Variants in KCNB2 observed in about 807,000 individuals in gnomAD.
The protein encoded by KCNB2 is potassium voltage-gated channel subfamily B member 2, also known as delayed rectifier potassium channel protein.
Under a neutral mutation model 61.5 loss-of-function variants are expected in KCNB2, and 15 were observed. The ratio of observed to expected loss-of-function variants is 0.24; its 90% CI spans 0.16 to 0.38. The LOEUF (loss-of-function observed/expected upper bound fraction) is 0.38. Ranked by LOEUF, KCNB2 falls within the 10% of genes least tolerant of loss-of-function variation. The pLI is 1.00. For missense variants in KCNB2, 828 were observed against 1,125.2 expected, an observed-to-expected ratio of 0.74 and a Z score of 3.78; for synonymous variants, 457 against 446.0, an observed-to-expected ratio of 1.02 and a Z score of -0.31.
intron 2 of KCNB2, among the ~76,000 whole-genome samples, chr8:72,572,044 A>G (rs1362338075): frequency 6.6e-6 from 1 of 152,194 alleles, no homozygotes; most frequent in Non-Finnish European, 1.5e-5. Flanking sequence ...GTGGCAGGCA[A>G]TATTCTCAGC....
At chr8:72,804,924 G>T (rs1809192680) in intron 2 of KCNB2, among the ~76,000 whole-genome samples, 1 of 152,096 alleles carries the variant, frequency 6.6e-6, no homozygotes, top group African/African-American at 2.4e-5. Flanking sequence ...CAGAGGAGTG[G>T]GTCTTTTGCT....
intron 2 of KCNB2, among the ~76,000 whole-genome samples, chr8:72,607,239 G>T (rs1805464221): frequency 6.6e-6 from 1 of 152,156 alleles, no homozygotes; most frequent in Non-Finnish European, 1.5e-5. Flanking sequence ...GGTGTGGGGA[G>T]AGGGATGGAG....
At chr8:72,715,188 T>C (rs1807408653) in intron 2 of KCNB2, among the ~76,000 whole-genome samples, 1 of 152,148 alleles carries the variant, frequency 6.6e-6, no homozygotes, top group Admixed American at 6.5e-5. Context: ...ACAAAGAGAC[T>C]TAGACTCCCA....
At chr8:72,651,261 T>A (rs561142001) in intron 2 of KCNB2, among the ~76,000 whole-genome samples, 1 of 152,286 alleles carries the variant, frequency 6.6e-6, no homozygotes, top group South Asian at 2.1e-4. Flanking sequence ...AATATCCAAT[T>A]TGACCTATAG....
chr8:72,700,919 C>T (rs1334950294), intron 2 of KCNB2, among the ~76,000 whole-genome samples: 1 of 152,098 alleles, frequency 6.6e-6, no homozygotes, highest in Non-Finnish European at 1.5e-5. Flanking sequence ...AACAAAATCT[C>T]GTCCTTTGCA....
At chr8:72,808,788 A>G (rs1809262656) in intron 2 of KCNB2, among the ~76,000 whole-genome samples, 1 of 152,118 alleles carries the variant, frequency 6.6e-6, no homozygotes, top group Non-Finnish European at 1.5e-5. Flanking sequence ...GTTCAGGGTC[A>G]TGTCCTAAGG....
At chr8:72,755,882 G>T (rs1174678032) in intron 2 of KCNB2, among the ~76,000 whole-genome samples, 1 of 152,178 alleles carries the variant, frequency 6.6e-6, no homozygotes, top group Non-Finnish European at 1.5e-5. Flanking sequence ...TGTGCAGGAC[G>T]GGTATAGGAA....
intron 2 of KCNB2, among the ~76,000 whole-genome samples, chr8:72,861,486 G>T (rs1025780963): frequency 6.6e-6 from 1 of 152,126 alleles, no homozygotes; most frequent in Admixed American, 6.5e-5. Context: ...TGGTTCAAGG[G>T]TGGGCAGCAG....
chr8:72,793,376 A>G (rs1808977186), intron 2 of KCNB2, among the ~76,000 whole-genome samples: 1 of 152,200 alleles, frequency 6.6e-6, no homozygotes, highest in Non-Finnish European at 1.5e-5. Flanking sequence ...TTGAGCCAAG[A>G]AACAAATGAC....
intron 1 of KCNB2, among the ~76,000 whole-genome samples, chr8:72,543,557 C>T (rs1806219816): frequency 6.6e-6 from 1 of 152,194 alleles, no homozygotes; most frequent in Admixed American, 6.5e-5. Flanking sequence ...AGCATGATAG[C>T]TGGTGACATA....
At chr8:72,609,672 T>C (rs778284804) in intron 2 of KCNB2, among the ~76,000 whole-genome samples, 1 of 152,216 alleles carries the variant, frequency 6.6e-6, no homozygotes, top group African/African-American at 2.4e-5. Context: ...GGAAGAAATA[T>C]TTAATATTGT....
At chr8:72,656,335 G>A (rs987699926) in intron 2 of KCNB2, among the ~76,000 whole-genome samples, 2 of 152,164 alleles carry the variant, frequency 1.3e-5, no homozygotes, top group African/African-American at 4.8e-5. Context: ...ATCCTCAGAA[G>A]TAAGATATTT....
At chr8:72,862,360 A>G (rs574065071) in intron 2 of KCNB2, among the ~76,000 whole-genome samples, 1 of 152,206 alleles carries the variant, frequency 6.6e-6, no homozygotes, top group Non-Finnish European at 1.5e-5. Context: ...AAAGTCATGA[A>G]CGCACTAGTA....
At chr8:72,771,027 G>A (rs1296681037) in intron 2 of KCNB2, among the ~76,000 whole-genome samples, 3 of 152,120 alleles carry the variant, frequency 2.0e-5, no homozygotes, top group Non-Finnish European at 4.4e-5. Flanking sequence ...ATGTATTGTC[G>A]CAGAAAAAAG....
At chr8:72,731,761 A>G (rs1355701382) in intron 2 of KCNB2, among the ~76,000 whole-genome samples, 1 of 152,232 alleles carries the variant, frequency 6.6e-6, no homozygotes, top group African/African-American at 2.4e-5. Context: ...AAATCAATAT[A>G]TGTCACAGAA....
intron 2 of KCNB2, among the ~76,000 whole-genome samples, chr8:72,923,442 A>G (rs574460993): frequency 5.9e-5 from 9 of 152,276 alleles, no homozygotes; most frequent in South Asian, 4.1e-4. Flanking sequence ...TTGGTATCTT[A>G]CTGCTACAGA....
chr8:72,821,659 A>AAAACAC (rs1554535735), intron 2 of KCNB2, among the ~76,000 whole-genome samples: 6 of 116,998 alleles, frequency 5.1e-5, no homozygotes, highest in Admixed American at 1.0e-4. Flanking sequence ...AAAAAAAAAA[A>AAAACAC]ACACACACAC....
intron 2 of KCNB2, among the ~76,000 whole-genome samples, chr8:72,793,044 CTTGT>C (rs1808971838): frequency 6.6e-6 from 1 of 152,154 alleles, no homozygotes; most frequent in Admixed American, 6.5e-5. Flanking sequence ...TCTAAATGTT[CTTGT>C]TTGTTAAGCA....
At chr8:72,819,986 G>A (rs1279416955) in intron 2 of KCNB2, among the ~76,000 whole-genome samples, 1 of 152,010 alleles carries the variant, frequency 6.6e-6, no homozygotes, top group Non-Finnish European at 1.5e-5. Flanking sequence ...CCCAAAGCAC[G>A]GGTTACACAT....
Sources: gnomAD v4.1 joint callset for allele counts (sites outside exome capture counted in the v4.1 genomes callset) on GRCh38, gnomAD v4.1.1 for gene constraint, MANE v1.5 for transcripts, NCBI Gene and HGNC (gene_info 2026-07-23, HGNC 2026-07-21) for gene names.